NFATC4: variants seen among roughly 807,000 people sequenced by gnomAD.
NFATC4 encodes the protein nuclear factor of activated T-cells, cytoplasmic 4.
In NFATC4, 25 loss-of-function variants were observed where a neutral mutation model predicts 73.4. That is an observed-to-expected ratio of 0.34 (90% CI 0.25 to 0.48). The LOEUF (loss-of-function observed/expected upper bound fraction) is 0.48. Ranked by LOEUF, NFATC4 falls within the 20% of genes least tolerant of loss-of-function variation. The pLI is 0.99. For synonymous variants in NFATC4, 523 were observed against 510.3 expected (o/e 1.02, Z -0.34); for missense variants, 1,130 against 1,203.7 (o/e 0.94, Z 0.91).
intron 6 of NFATC4, chr14:24,374,715 G>C (rs1225471918): frequency 2.5e-6 from 1 of 407,354 alleles, no homozygotes; most frequent in African/African-American, 2.0e-5. Flanking sequence ...AGAGGAGTCT[G>C]CTTTGAGATA....
rs2042363456 is a variant in NFATC4, at chr14:24,368,388, G to A, written c.48G>A (p.Val16=). Residue 16 remains valine (V), a synonymous_variant, in exon 1 of 10, where the codon GTG becomes GTA. Coordinates refer to ENST00000250373, the MANE Select transcript of NFATC4 (RefSeq NM_004554.5). ...CEDEELEFKL[V]FGEEKEAPPL... is the part of the protein sequence containing the mutation. The stretch of plus-strand genomic sequence containing the variant: ...ATGAGGAGCTGGAATTTAAGCTGGT[G>A]TTCGGGGAGGAAAAGGAGGCCCCCC... The A allele has an allele frequency of 2.9e-6, 4 of 1,362,188 alleles. No individual in the cohort carries two copies. Among genetic ancestry groups the A allele is most frequent in the Non-Finnish European group, 3.8e-6 (4 of 1,056,370 alleles). 84.4% of individuals were successfully genotyped at this position (1,362,188 alleles called of 1,614,324 possible). A position where few individuals can be genotyped will look rare whatever the true frequency, so the allele number is the denominator to read the frequency against.
chr14:24,373,097 C>T lies in NFATC4; in HGVS notation c.1360-74C>T, dbSNP rs1234251413. On this transcript the variant is annotated intron_variant, in intron 3 of 9. Coordinates refer to ENST00000250373, the MANE Select transcript of NFATC4 (RefSeq NM_004554.5). This position sits in a 1 kb window ranked among gnomAD's most constrained non-coding sequence, Gnocchi z 4.7. The stretch of plus-strand genomic sequence containing the variant: ...TTCACCATTCCCATCCCATGGTAGA[C>T]TGAAAATCTAGGGATGAATAAAGGA... 5.5e-6 allele frequency: 8 copies of T among 1,463,080 alleles called. No homozygotes were observed. The highest frequency in any genetic ancestry group is 6.6e-6 in the Non-Finnish European group (7 of 1,057,314). The allele number at this position is 1,463,080 out of a possible 1,614,324, so 90.6% of individuals were successfully genotyped here.
At chr14:24,369,319 G>A (rs2042397979) in intron 1 of NFATC4, 180 bp from the exon 2 acceptor site, 1 of 1,589,564 alleles carries the variant, frequency 6.3e-7, no homozygotes, top group East Asian at 2.2e-5. Context: ...TGGCATGCCT[G>A]CTTCAATCTC....
intron 3 of NFATC4, 80 bp downstream of exon 3, chr14:24,372,683 T>C: frequency 6.5e-7 from 1 of 1,546,760 alleles, no homozygotes; most frequent in South Asian, 1.1e-5. Context: ...GGCACTGCCC[T>C]TTCCCACACT....
chr14:24,368,990 T>A, intron 1 of NFATC4: 13 of 1,072,350 alleles, frequency 1.2e-5, no homozygotes, highest in East Asian at 1.4e-4. Context: ...CATCACCCCC[T>A]CGGCTGCACC....
upstream of NFATC4, chr14:24,367,333 C>A: frequency 6.5e-7 from 1 of 1,538,964 alleles, no homozygotes; most frequent in Non-Finnish European, 8.7e-7. Context: ...TTAGAAGAGC[C>A]GGAGTGGGAT....
Position 24,376,617 on chromosome 14 carries a change from G to C in NFATC4, c.2380G>C (p.Gly794Arg). Residue 794 changes from glycine (G) to arginine (R), a missense_variant, in exon 9 of 10, where the codon GGG becomes CGG. By Grantham distance (125) the Gly-to-Arg change is moderately radical. Transcript: ENST00000250373. This position sits in a 1 kb window ranked among gnomAD's most constrained non-coding sequence, Gnocchi z 5.0. Reference protein sequence around the residue: ...PRPFPSDPYGGRGSSFSLGLP... With the variant: ...PRPFPSDPYGRRGSSFSLGLP... ...CCCCTTCCCTAGTGACCCGTATGGAGGGCGGGGCTCCTCTTTCTCCCTGGG... is the reference window on the plus strand; with the variant it reads ...CCCCTTCCCTAGTGACCCGTATGGACGGCGGGGCTCCTCTTTCTCCCTGGG... The C allele has an allele frequency of 6.2e-7, 1 of 1,613,708 alleles. No homozygotes were observed. The highest frequency in any genetic ancestry group is 1.1e-5 in the South Asian group (1 of 91,074).
intron 6 of NFATC4, 76 bp from the exon 7 acceptor site, chr14:24,375,584 G>A: frequency 2.0e-6 from 3 of 1,506,156 alleles, no homozygotes; most frequent in South Asian, 1.2e-5. Context: ...TCTAACAGGA[G>A]GGGAAATGGC....
intron 2 of NFATC4, 135 bp from the exon 3 acceptor site, chr14:24,372,306 G>A (rs911883309): frequency 2.2e-6 from 2 of 903,666 alleles, no homozygotes; most frequent in Non-Finnish European, 3.3e-6. Flanking sequence ...CTTTTCACAA[G>A]TGTTAATGTA....
At chr14:24,374,033 C>G in intron 5 of NFATC4, 166 bp downstream of exon 5, 1 of 1,089,028 alleles carries the variant, frequency 9.2e-7, no homozygotes, top group Non-Finnish European at 1.4e-6. Context: ...CTGCCACAGA[C>G]TCTGTCTCTG....
chr14:24,370,897 T>C (rs1023964890), intron 2 of NFATC4, among the ~76,000 whole-genome samples: 1 of 152,126 alleles, frequency 6.6e-6, no homozygotes, highest in Non-Finnish European at 1.5e-5. Context: ...CTGTAGCCTA[T>C]AGAGTGCTCC....
At position 24,374,567 on chromosome 14, in the gene NFATC4, T is replaced by C. The variant is rs184538346; in HGVS notation, c.1873+101T>C. The C allele has an allele frequency of 4.6e-4, 550 of 1,197,292 alleles. No homozygotes were observed. The Middle Eastern group carries it at 7.1e-3, about 15-fold the overall frequency. The allele number at this position is 1,197,292 out of a possible 1,614,324, so 74.2% of individuals were successfully genotyped here. A position where few individuals can be genotyped will look rare whatever the true frequency, so the allele number is the denominator to read the frequency against. ...ACTAAACTGGCCAGTGGAGCCTCAG[T>C]TTTTTTATTTGTAAAATGGGACAGA... On this transcript the variant is annotated intron_variant, in intron 6 of 9. Coordinates refer to ENST00000250373, the MANE Select transcript of NFATC4 (RefSeq NM_004554.5).
intron 2 of NFATC4, 141 bp downstream of exon 2, chr14:24,370,735 A>G: frequency 8.4e-7 from 1 of 1,196,328 alleles, no homozygotes; most frequent in African/African-American, 1.5e-5. Flanking sequence ...GCAGCTGCCA[A>G]CTACCTGGTT....
Position 24,377,696 on chromosome 14 carries a change from T to G in NFATC4, c.2700T>G (p.Pro900=). The G allele has an allele frequency of 6.2e-7, 1 of 1,614,146 alleles. No individual in the cohort carries two copies. The highest frequency in any genetic ancestry group is 8.5e-7 in the Non-Finnish European group (1 of 1,180,028). Residue 900 remains proline, a synonymous_variant, in exon 10 of 10, where the codon CCT becomes CCG. Transcript: ENST00000250373. The surrounding 1 kb of genome is among the most constrained non-coding windows in gnomAD (Gnocchi z 4.2). The part of the protein sequence containing the change: ...SGFPAPPGEE[P]PA The stretch of plus-strand genomic sequence containing the variant: ...TCCCTGCACCTCCTGGAGAAGAGCC[T>G]CCTGCCTGAACCACGTGAACTGTCA...
Position 24,377,141 on chromosome 14 carries a change from G to A in NFATC4, c.2641+263G>A. ...CTGCTCCAAATCATAAAATCTCAGA[G>A]CTAGAAGCACTTTCAAGATCATTCC... On this transcript the variant is annotated intron_variant, in intron 9 of 9. Transcript: ENST00000250373. The surrounding 1 kb of genome is among the most constrained non-coding windows in gnomAD (Gnocchi z 4.2). The A allele has an allele frequency of 7.7e-7, 1 of 1,293,436 alleles. No homozygotes were observed. Among genetic ancestry groups the A allele is most frequent in the Admixed American group, 3.7e-5 (1 of 27,326 alleles). 80.1% of individuals were successfully genotyped at this position (1,293,436 alleles called of 1,614,324 possible).
Position 24,374,402 on chromosome 14 carries a change from A to C in NFATC4, c.1809A>C (p.Glu603Asp). 1.9e-6 allele frequency: 3 copies of C among 1,613,932 alleles called. No homozygotes were observed. The highest frequency in any genetic ancestry group is 2.5e-6 in the Non-Finnish European group (3 of 1,179,938). ...PSACSVRGGE[E>D]LVLTGSNFLP... ...CCTGCTCTGTGAGAGGAGGCGAGGA[A>C]CTGGTACTGACTGGCTCCAACTTCC... is the stretch of plus-strand genomic sequence containing the variant. Residue 603 changes from glutamate to aspartate, a missense_variant, in exon 6 of 10, where the codon GAA becomes GAC. Glu to Asp is a conservative substitution (Grantham distance 45). This residue lies in a region of NFATC4 where 390 missense variants were observed against 408.1 expected (regional missense o/e 0.96). Transcript: ENST00000250373.
In NFATC4 at chr14:24,369,963, G is replaced by A. The variant is rs1380567179; in HGVS notation, c.565G>A (p.Ala189Thr). 13 of 1,612,966 alleles carry A rather than the reference G, an allele frequency of 8.1e-6. No individual in the cohort carries two copies. In the East Asian group the frequency reaches 2.9e-4, roughly 36 times the overall value. ...WSFFSDASDE[A>T]ALYAACDEVE... ...CTTCTTCTCCGATGCCTCTGACGAG[G>A]CAGCCCTGTATGCAGCCTGCGACGA... Residue 189 changes from alanine to threonine, a missense_variant, in exon 2 of 10, where the codon GCA becomes ACA. By Grantham distance (58) the Ala-to-Thr change is moderately conservative. This residue lies in a region of NFATC4 where 585 missense variants were observed against 574.3 expected (regional missense o/e 1.02). Coordinates refer to ENST00000250373, the MANE Select transcript of NFATC4 (RefSeq NM_004554.5).
intron 2 of NFATC4, chr14:24,372,034 C>A (rs1197171620): frequency 5.7e-6 from 1 of 174,138 alleles, no homozygotes; most frequent in East Asian, 1.7e-4. Context: ...ATATCTGAGG[C>A]CTTTTCTGGT....
At chr14:24,369,124 G>A in intron 1 of NFATC4, 1 of 1,438,066 alleles carries the variant, frequency 7.0e-7, no homozygotes. Flanking sequence ...CGCCGTTTGG[G>A]GGTTTGGGAA....
Sources: allele counts gnomAD v4.1 joint callset (sites outside exome capture counted in the v4.1 genomes callset), GRCh38; gene constraint gnomAD v4.1.1; regional missense constraint gnomAD v4.1.1; non-coding constraint Gnocchi (gnomAD v3.1); transcripts MANE v1.5; gene names NCBI Gene and HGNC (gene_info 2026-07-23, HGNC 2026-07-21).